Variants in KLHL8 observed in about 807,000 individuals in gnomAD.
KLHL8 encodes the protein kelch-like protein 8.
Under a neutral mutation model 63.5 loss-of-function variants are expected in KLHL8, and 38 were observed. The ratio of observed to expected loss-of-function variants is 0.60; its 90% CI spans 0.46 to 0.78. The LOEUF (loss-of-function observed/expected upper bound fraction) is 0.78. Among genes scored for constraint, KLHL8 ranks in the 30% least tolerant of loss-of-function variants. The pLI, the probability that KLHL8 is intolerant of heterozygous loss-of-function variation, is 0.00. For synonymous variants in KLHL8, 224 were observed against 254.3 expected (o/e 0.88, Z 1.13); for missense variants, 566 against 752.4 (o/e 0.75, Z 2.90).
intron 4 of KLHL8, among the ~76,000 whole-genome samples, chr4:87,182,212 G>A (rs1295268062): frequency 4.2e-5 from 5 of 118,754 alleles, no homozygotes; most frequent in Admixed American, 1.1e-4. Flanking sequence ...CAACCTGGGC[G>A]ACAGAGACTC....
intron 1 of KLHL8, among the ~76,000 whole-genome samples, chr4:87,238,155 C>T (rs775210300): frequency 6.6e-6 from 1 of 152,016 alleles, no homozygotes; most frequent in Non-Finnish European, 1.5e-5. Context: ...AGGCTGGTCT[C>T]AAACTCGTGA....
rs1730249575 is a variant in KLHL8 at position 87,163,350 on chromosome 4, T to C, written c.*169A>G. ...GTATCAAATTTAACTCTATTACTAATAATTCTTCAGGTATCATTCCAAAAG... is the reference window on the plus strand; with the variant it reads ...GTATCAAATTTAACTCTATTACTAACAATTCTTCAGGTATCATTCCAAAAG... On this transcript the variant is annotated 3_prime_UTR_variant, in exon 10 of 10. Transcript: ENST00000273963. The C allele has an allele frequency of 1.8e-6, 1 of 556,648 alleles. No homozygotes were observed. Among genetic ancestry groups the C allele is most frequent in the Non-Finnish European group, 3.0e-6 (1 of 333,726 alleles). 34.5% of individuals were successfully genotyped at this position (556,648 alleles called of 1,614,324 possible). A position where few individuals can be genotyped will look rare whatever the true frequency, so the allele number is the denominator to read the frequency against.
intron 2 of KLHL8, among the ~76,000 whole-genome samples, chr4:87,189,073 G>A (rs1470036453): frequency 6.6e-6 from 1 of 152,230 alleles, no homozygotes; most frequent in African/African-American, 2.4e-5. Flanking sequence ...CTGGTGCATA[G>A]TCGAAAATTA....
chr4:87,163,690 C>T, intron 9 of KLHL8, 48 bp from the exon 10 acceptor site: 1 of 1,605,772 alleles, frequency 6.2e-7, no homozygotes, highest in Non-Finnish European at 8.5e-7. Flanking sequence ...ATTTACTTTA[C>T]TCAAAATACT....
intron 1 of KLHL8, among the ~76,000 whole-genome samples, chr4:87,197,523 G>A (rs28655413): frequency 0.079 from 12,043 of 152,142 alleles, 647 homozygotes; most frequent in Non-Finnish European, 0.12. Context: ...CTGGCCAATA[G>A]CTTTATTGCA....
intron 3 of KLHL8, among the ~76,000 whole-genome samples, 193 bp from the exon 4 acceptor site, chr4:87,183,582 T>A (rs1731137288): frequency 6.6e-6 from 1 of 152,184 alleles, no homozygotes; most frequent in Admixed American, 6.5e-5. Flanking sequence ...ATGTGCCAAA[T>A]TATAAGCAAT....
At position 87,162,616 on chromosome 4, in the gene KLHL8, T is replaced by A. The variant is rs750643733; in HGVS notation, c.*903A>T. 15 of 152,304 alleles carry A rather than the reference T, an allele frequency of 9.8e-5. No individual in the cohort carries two copies. The highest frequency in any genetic ancestry group is 1.8e-4 in the Non-Finnish European group (12 of 68,024). The allele number at this position is 152,304 out of a possible 1,614,324, so 9.4% of individuals were successfully genotyped here. A position where few individuals can be genotyped will look rare whatever the true frequency, so the allele number is the denominator to read the frequency against. On this transcript the variant is annotated 3_prime_UTR_variant, in exon 10 of 10. Transcript: ENST00000273963. The stretch of plus-strand genomic sequence containing the variant: ...GGTGGCAAATAGCAAAATAGAGAGA[T>A]GATAAATCTTGGATCCAAAATCAAA...
In KLHL8 at chr4:87,174,698, A is replaced by G. The variant is rs188855770; in HGVS notation, c.1208+2059T>C. Among the ~76,000 whole-genome samples, 1,025 of 152,332 alleles carry G rather than the reference A, an allele frequency of 6.7e-3. 4 individuals carry two copies. The highest frequency in any genetic ancestry group is 0.011 in the Non-Finnish European group (722 of 68,022). ...GACACAGAGACAGAATTATTCTAGT[A>G]TCTAGTTTTATACAAATTATTAAGC... is the stretch of plus-strand genomic sequence containing the variant. On this transcript the variant is annotated intron_variant, in intron 6 of 9. Transcript: ENST00000273963.
At chr4:87,173,383 C>CA (rs1324194161) in intron 6 of KLHL8, among the ~76,000 whole-genome samples, 2 of 152,180 alleles carry the variant, frequency 1.3e-5, no homozygotes, top group Non-Finnish European at 2.9e-5. Flanking sequence ...TGTATCTTTA[C>CA]CACTTGGTGT....
rs142077130 is a variant in KLHL8 at position 87,188,982 on chromosome 4, A to T, written c.217-3183T>A. ...CGAAAGAAAAACCTTAGACAATTAA[A>T]TTTAACGGAGTTTAACTGAGCAAAG... On this transcript the variant is annotated intron_variant, in intron 2 of 9. Coordinates refer to ENST00000273963, the MANE Select transcript of KLHL8 (RefSeq NM_020803.5). Among the ~76,000 whole-genome samples the T allele has an allele frequency of 4.7e-3, 718 of 152,372 alleles. 8 individuals are homozygous for T. Among genetic ancestry groups the T allele is most frequent in the African/African-American group, 0.016 (657 of 41,586 alleles).
At chr4:87,188,648 A>C (rs1731354515) in intron 2 of KLHL8, among the ~76,000 whole-genome samples, 2 of 152,140 alleles carry the variant, frequency 1.3e-5, no homozygotes, top group Non-Finnish European at 2.9e-5. Flanking sequence ...TAATGCACTG[A>C]TTCTCCTTTG....
At chr4:87,229,527 G>C (rs1578411935) in intron 1 of KLHL8, among the ~76,000 whole-genome samples, 1 of 151,132 alleles carries the variant, frequency 6.6e-6, no homozygotes. Flanking sequence ...TGCCTCCCGG[G>C]TTCAAGCCAT....
intron 6 of KLHL8, among the ~76,000 whole-genome samples, chr4:87,171,493 C>T (rs1021296258): frequency 2.0e-5 from 3 of 152,198 alleles, no homozygotes; most frequent in African/African-American, 7.2e-5. Context: ...CATTCACTTT[C>T]AAGCTCCTCA....
intron 1 of KLHL8, chr4:87,207,243 A>G: frequency 1.8e-6 from 1 of 567,600 alleles, no homozygotes; most frequent in Non-Finnish European, 3.3e-6. Flanking sequence ...GATTTTACCT[A>G]TGGCAAATTC....
intron 2 of KLHL8, among the ~76,000 whole-genome samples, chr4:87,187,394 T>TC (rs1731305359): frequency 6.8e-6 from 1 of 147,886 alleles, no homozygotes; most frequent in East Asian, 2.0e-4. Flanking sequence ...AAAGATCTCA[T>TC]CTTTTTTTTT....
Position 87,162,608 on chromosome 4 carries a change from TAGAG to T in KLHL8, c.*907_*910del, listed in dbSNP as rs1730216158. 6.6e-6 allele frequency: 1 copy of T among 152,020 alleles called. No homozygotes were observed. Among genetic ancestry groups the T allele is most frequent in the Non-Finnish European group, 1.5e-5 (1 of 67,998 alleles). The allele number at this position is 152,020 out of a possible 1,614,324, so 9.4% of individuals were successfully genotyped here. A position where few individuals can be genotyped will look rare whatever the true frequency, so the allele number is the denominator to read the frequency against. ...ACCAGGATGGTGGCAAATAGCAAAATAGAGAGATGATAAATCTTGGATCCAAAAT... is the reference window on the plus strand; with the variant it reads ...ACCAGGATGGTGGCAAATAGCAAAATAGATGATAAATCTTGGATCCAAAAT... On this transcript the variant is annotated 3_prime_UTR_variant, in exon 10 of 10. Transcript: ENST00000273963.
At chr4:87,202,873 C>G (rs959107622) in intron 1 of KLHL8, among the ~76,000 whole-genome samples, 2 of 152,170 alleles carry the variant, frequency 1.3e-5, no homozygotes, top group African/African-American at 2.4e-5. Flanking sequence ...AACTACAAAT[C>G]AATATCCCTC....
At chr4:87,223,425 T>C (rs1007271484), upstream of KLHL8, among the ~76,000 whole-genome samples, 1 of 152,210 alleles carries the variant, frequency 6.6e-6, no homozygotes, top group African/African-American at 2.4e-5. Context: ...TTCAATATTA[T>C]TATCATCTAT....
chr4:87,177,940 T>C lies in KLHL8; in HGVS notation c.1096+537A>G, dbSNP rs554119712. On this transcript the variant is annotated intron_variant, in intron 5 of 9. Transcript: ENST00000273963. Reference sequence around the variant, plus strand: ...ACACACAGAGAAAGATAGGCAAGATTGTACACCAAAATGTCAACTGTGACT... The same window carrying C: ...ACACACAGAGAAAGATAGGCAAGATCGTACACCAAAATGTCAACTGTGACT... Among the ~76,000 whole-genome samples, 5 of 152,262 alleles carry C rather than the reference T, an allele frequency of 3.3e-5. No homozygotes were observed. The East Asian group carries it at 7.7e-4, about 23-fold the overall frequency.
Sources: allele counts gnomAD v4.1 joint callset (sites outside exome capture counted in the v4.1 genomes callset), GRCh38; gene constraint gnomAD v4.1.1; transcripts MANE v1.5; gene names NCBI Gene and HGNC (gene_info 2026-07-23, HGNC 2026-07-21).